The following IL7R variants were observed in gnomAD, a reference collection of about 807,000 sequenced individuals.
IL7R encodes interleukin-7 receptor subunit alpha.
Under a neutral mutation model 47.0 loss-of-function variants are expected in IL7R, and 38 were observed. The ratio of observed to expected loss-of-function variants is 0.81; its 90% CI spans 0.62 to 1.06. The LOEUF (loss-of-function observed/expected upper bound fraction) is 1.06. IL7R is among the 50% of genes least tolerant of loss of function. IL7R has a pLI of 0.00. For missense variants in IL7R, 633 were observed against 534.8 expected, an observed-to-expected ratio of 1.18 and a Z score of -1.81; for synonymous variants, 221 against 199.8, an observed-to-expected ratio of 1.11 and a Z score of -0.89.
rs150755607 is a variant in IL7R, at chr5:35,877,467, G to T, written c.*981G>T. Reference sequence around the variant, plus strand: ...TAGAAACTCACAATTTCTCTTGTTTGTTACCAAGACAGTGATTCTCTTGCT... The same window carrying T: ...TAGAAACTCACAATTTCTCTTGTTTTTTACCAAGACAGTGATTCTCTTGCT... On this transcript the variant is annotated 3_prime_UTR_variant, in exon 8 of 8. Transcript: ENST00000303115. 180 of 233,134 alleles carry T rather than the reference G, an allele frequency of 7.7e-4. 1 individual carries two copies. Among genetic ancestry groups the T allele is most frequent in the African/African-American group, 3.8e-3 (173 of 45,448 alleles). 14.4% of individuals were successfully genotyped at this position (233,134 alleles called of 1,614,324 possible). A position where few individuals can be genotyped will look rare whatever the true frequency, so the allele number is the denominator to read the frequency against.
In IL7R at chr5:35,873,676, C is replaced by T. The variant is rs559876869; in HGVS notation, c.706+28C>T. On this transcript the variant is annotated intron_variant, in intron 5 of 7. Transcript: ENST00000303115. ...AAGGAATGGTGGTAGAGTTTTTGTTCCCTCAGAGTGCTTTGCATGTCAAAG... is the reference window on the plus strand; with the variant it reads ...AAGGAATGGTGGTAGAGTTTTTGTTTCCTCAGAGTGCTTTGCATGTCAAAG... 1.6e-5 allele frequency: 26 copies of T among 1,604,924 alleles called. 1 individual carries two copies. In the Admixed American group the frequency reaches 4.2e-4, roughly 26 times the overall value.
intron 4 of IL7R, among the ~76,000 whole-genome samples, chr5:35,872,923 A>T (rs1182369584): frequency 6.6e-6 from 1 of 152,202 alleles, no homozygotes; most frequent in Admixed American, 6.5e-5. Context: ...AGTATGGAAT[A>T]GATAAATTCA....
In IL7R at chr5:35,877,699, A is replaced by G. The variant is rs1393196112; in HGVS notation, c.*1213A>G. ...GGGAGAAAGAGTTACAAGTACATGC[A>G]ATGAGTGAACTGACTGTGGCTACAA... On this transcript the variant is annotated 3_prime_UTR_variant, in exon 8 of 8. Coordinates refer to ENST00000303115, the MANE Select transcript of IL7R (RefSeq NM_002185.5). The G allele has an allele frequency of 3.0e-5, 7 of 233,216 alleles. No homozygotes were observed. Among genetic ancestry groups the G allele is most frequent in the Non-Finnish European group, 5.1e-5 (6 of 118,072 alleles). 14.4% of individuals were successfully genotyped at this position (233,216 alleles called of 1,614,324 possible). A position where few individuals can be genotyped will look rare whatever the true frequency, so the allele number is the denominator to read the frequency against.
chr5:35,859,858 G>A (rs1377608351), intron 1 of IL7R, among the ~76,000 whole-genome samples: 2 of 152,038 alleles, frequency 1.3e-5, no homozygotes, highest in African/African-American at 4.8e-5. Context: ...GCAGTCCTAG[G>A]CTCACACTTG....
intron 2 of IL7R, among the ~76,000 whole-genome samples, chr5:35,863,035 A>G (rs1394590099): frequency 6.6e-6 from 1 of 152,074 alleles, no homozygotes; most frequent in Non-Finnish European, 1.5e-5. Flanking sequence ...TTTTATTTTT[A>G]TCCTGTTCCA....
rs1759962259 is a variant in IL7R at position 35,867,292 on chromosome 5, T to G, written c.222-14T>G. 1 of 1,612,214 alleles carries G rather than the reference T, an allele frequency of 6.2e-7. No homozygotes were observed. The highest frequency in any genetic ancestry group is 1.3e-5 in the African/African-American group (1 of 74,870). ...CTACCTGAATCAAGACATATCCCCT[T>G]TTTATTCCTACAGTGGGGCCCTCGT... On this transcript the variant is annotated splice_polypyrimidine_tract_variant and intron_variant, in intron 2 of 7. Transcript: ENST00000303115.
At chr5:35,860,534 C>T (rs1041700596) in intron 1 of IL7R, among the ~76,000 whole-genome samples, 49 of 152,104 alleles carry the variant, frequency 3.2e-4, no homozygotes, top group South Asian at 8.3e-4. Context: ...AGTTTAAATA[C>T]AGAAAAGAAT....
In IL7R at chr5:35,876,594, A is replaced by C; in HGVS notation, c.*108A>C. On this transcript the variant is annotated 3_prime_UTR_variant, in exon 8 of 8. Transcript: ENST00000303115. ...AGCACAGAGAAGACAAAATTAGCAAAACCCCACTACACAGTCTGCAAGATT... is the reference window on the plus strand; with the variant it reads ...AGCACAGAGAAGACAAAATTAGCAACACCCCACTACACAGTCTGCAAGATT... The C allele has an allele frequency of 6.0e-6, 7 of 1,167,562 alleles. No individual in the cohort carries two copies. Among genetic ancestry groups the C allele is most frequent in the Non-Finnish European group, 8.7e-6 (7 of 801,460 alleles). 72.3% of individuals were successfully genotyped at this position (1,167,562 alleles called of 1,614,324 possible).
At position 35,878,288 on chromosome 5, in the gene IL7R, CT is replaced by C; in HGVS notation, c.*1804del. The C allele has an allele frequency of 2.6e-5, 6 of 233,146 alleles. No individual in the cohort carries two copies. Among genetic ancestry groups the C allele is most frequent in the Non-Finnish European group, 3.4e-5 (4 of 118,048 alleles). 14.4% of individuals were successfully genotyped at this position (233,146 alleles called of 1,614,324 possible). A position where few individuals can be genotyped will look rare whatever the true frequency, so the allele number is the denominator to read the frequency against. The stretch of plus-strand genomic sequence containing the variant: ...TTTCAAAGCACTTCCATAAGCATTC[CT>C]TCCACCTCCTTGATAGGCATTTATG... On this transcript the variant is annotated 3_prime_UTR_variant, in exon 8 of 8. Transcript: ENST00000303115.
rs1343153655 is a variant in IL7R, at chr5:35,876,369, C to G, written c.1263C>G (p.Leu421=). ...GCACGCTGCCCCCTCCATTTTCTCT[C>G]CAATCTGGAATCCTGACATTGAACC... is the stretch of plus-strand genomic sequence containing the variant. ...TNSTLPPPFS[L]QSGILTLNPV... Residue 421 remains leucine (L), a synonymous_variant, in exon 8 of 8, where the codon CTC becomes CTG. Coordinates refer to ENST00000303115, the MANE Select transcript of IL7R (RefSeq NM_002185.5). The G allele has an allele frequency of 1.2e-6, 2 of 1,613,556 alleles. No individual in the cohort carries two copies. The highest frequency in any genetic ancestry group is 3.3e-5 in the Admixed American group (2 of 59,954).
chr5:35,861,117 C>T (rs749725531), intron 2 of IL7R, 127 bp downstream of exon 2: 2 of 1,006,080 alleles, frequency 2.0e-6, no homozygotes, highest in Admixed American at 3.5e-5. Flanking sequence ...AAGGAATTCC[C>T]AAAGGCCTCC....
In IL7R at chr5:35,865,042, T is replaced by C. The variant is rs1759905538; in HGVS notation, c.222-2264T>C. ...TTGTTACATATGTATACATGTGCCATGTTGGTGTGCTGCACCGATTAACTC... is the reference window on the plus strand; with the variant it reads ...TTGTTACATATGTATACATGTGCCACGTTGGTGTGCTGCACCGATTAACTC... On this transcript the variant is annotated intron_variant, in intron 2 of 7. Transcript: ENST00000303115. 2.0e-5 allele frequency among the ~76,000 whole-genome samples: 3 copies of C among 152,130 alleles called. No individual in the cohort carries two copies. In the South Asian group the frequency reaches 6.2e-4, roughly 32 times the overall value.
At chr5:35,874,862 G>T (rs1760166042) in intron 6 of IL7R, among the ~76,000 whole-genome samples, 1 of 152,150 alleles carries the variant, frequency 6.6e-6, no homozygotes, top group Non-Finnish European at 1.5e-5. Context: ...TTGAAGTCTT[G>T]ACTTTAAGCA....
In IL7R at chr5:35,873,501, A is replaced by G. The variant is rs776330345; in HGVS notation, c.559A>G (p.Lys187Glu). ...CTAGCATGTGAATTTATCCAGCACA[A>G]AGCTGACACTCCTGCAGAGAAAGCT... is the stretch of plus-strand genomic sequence containing the variant. ...KWTHVNLSSTKLTLLQRKLQP... is the reference protein window; with the variant it reads ...KWTHVNLSSTELTLLQRKLQP... Residue 187 changes from lysine to glutamate, a missense_variant, in exon 5 of 8, where the codon AAG (lysine) becomes GAG (glutamate). Transcript: ENST00000303115. 6 of 1,614,038 alleles carry G rather than the reference A, an allele frequency of 3.7e-6. No homozygotes were observed. The highest frequency in any genetic ancestry group is 3.3e-5 in the Admixed American group (2 of 60,014).
rs554807136 is a variant in IL7R, at chr5:35,871,520, T to C, written c.537+307T>C. 1.2e-4 allele frequency among the ~76,000 whole-genome samples: 18 copies of C among 152,364 alleles called. 1 individual carries two copies. In the South Asian group the frequency reaches 3.7e-3, roughly 32 times the overall value. On this transcript the variant is annotated intron_variant, in intron 4 of 7. Transcript: ENST00000303115. ...TATTCAGGGGCCTCAAAAAGTGTCATGTCTAGTGCCACTTTCATAGGCAAA... is the reference window on the plus strand; with the variant it reads ...TATTCAGGGGCCTCAAAAAGTGTCACGTCTAGTGCCACTTTCATAGGCAAA...
At chr5:35,868,189 G>T (rs2149899684) in intron 3 of IL7R, among the ~76,000 whole-genome samples, 1 of 152,318 alleles carries the variant, frequency 6.6e-6, no homozygotes, top group East Asian at 1.9e-4. Context: ...TACTGATGAG[G>T]TGATGCCCAC....
At chr5:35,866,692 T>A (rs927600421) in intron 2 of IL7R, among the ~76,000 whole-genome samples, 7 of 152,138 alleles carry the variant, frequency 4.6e-5, no homozygotes, top group African/African-American at 1.7e-4. Context: ...AAAATAGCAT[T>A]TAAAATTTCC....
chr5:35,876,508 A>T lies in IL7R; in HGVS notation c.*22A>T, dbSNP rs2149906515. ...GTGAAGTGTAAGAAACCCAGACTGA[A>T]CTTACCGTGAGCGACAAAGATGATT... On this transcript the variant is annotated 3_prime_UTR_variant, in exon 8 of 8. Transcript: ENST00000303115. The T allele has an allele frequency of 6.3e-7, 1 of 1,599,852 alleles. No homozygotes were observed. Among genetic ancestry groups the T allele is most frequent in the East Asian group, 2.2e-5 (1 of 44,882 alleles).
At chr5:35,867,254 CAT>C in intron 2 of IL7R, 50 bp from the exon 3 acceptor site, 1 of 1,501,626 alleles carries the variant, frequency 6.7e-7, no homozygotes, top group Non-Finnish European at 9.3e-7. Context: ...TATTCCACTG[CAT>C]ACAGGAACTC....
Sources: gnomAD v4.1 joint callset for allele counts (sites outside exome capture counted in the v4.1 genomes callset) on GRCh38, gnomAD v4.1.1 for gene constraint, MANE v1.5 for transcripts, NCBI Gene and HGNC (gene_info 2026-07-23, HGNC 2026-07-21) for gene names.